Variants in INVS observed in about 807,000 individuals in gnomAD.
INVS encodes inversin, also known as inversion of embryo turning homolog.
A neutral mutation model predicts 108.8 loss-of-function variants in INVS; 86 were observed. The observed-to-expected ratio is 0.79, with a 90% confidence interval of 0.66 to 0.95. The LOEUF is 0.95. Ranked by LOEUF, INVS falls within the 40% of genes least tolerant of loss-of-function variation. The pLI, the probability that INVS is intolerant of heterozygous loss-of-function variation, is 0.00. For missense variants in INVS, 1,169 were observed against 1,297.4 expected, an observed-to-expected ratio of 0.90 and a Z score of 1.52; for synonymous variants, 455 against 473.5, an observed-to-expected ratio of 0.96 and a Z score of 0.51.
chr9:100,147,320 A>G (rs1828650826), intron 3 of INVS, among the ~76,000 whole-genome samples: 1 of 152,234 alleles, frequency 6.6e-6, no homozygotes, highest in Non-Finnish European at 1.5e-5. Flanking sequence ...GAGGGCAAAT[A>G]TGAATTGCTC....
intron 3 of INVS, among the ~76,000 whole-genome samples, chr9:100,137,757 C>T (rs551115411): frequency 3.7e-4 from 56 of 152,126 alleles, no homozygotes; most frequent in African/African-American, 1.3e-3. Context: ...ATCTGAAAAC[C>T]ATATAAATAA....
At chr9:100,283,595 C>T (rs1833342742) in intron 12 of INVS, among the ~76,000 whole-genome samples, 2 of 152,220 alleles carry the variant, frequency 1.3e-5, no homozygotes, top group African/African-American at 4.8e-5. Flanking sequence ...TTCTGAGCCA[C>T]CTCAGACCCA....
intron 3 of INVS, among the ~76,000 whole-genome samples, chr9:100,225,297 C>T (rs1831281286): frequency 6.6e-6 from 1 of 151,898 alleles, no homozygotes; most frequent in African/African-American, 2.4e-5. Context: ...ATCCACCCGC[C>T]TCGGCCTCCC....
chr9:100,173,050 T>G (rs1456675857), intron 3 of INVS, among the ~76,000 whole-genome samples: 3 of 152,150 alleles, frequency 2.0e-5, no homozygotes, highest in Non-Finnish European at 4.4e-5. Context: ...ATGAAGATGA[T>G]TGAGATGGCC....
chr9:100,157,946 C>T (rs1028244220), intron 3 of INVS, among the ~76,000 whole-genome samples: 4 of 152,168 alleles, frequency 2.6e-5, no homozygotes, highest in African/African-American at 9.6e-5. Flanking sequence ...GCAGAAGAAG[C>T]TTACTTGTTC....
At chr9:100,262,525 CT>C (rs1832657454) in intron 10 of INVS, among the ~76,000 whole-genome samples, 1 of 148,992 alleles carries the variant, frequency 6.7e-6, no homozygotes. Context: ...ATTCCCTTAT[CT>C]TTTTTATGCC....
intron 3 of INVS, among the ~76,000 whole-genome samples, chr9:100,222,045 T>C (rs1189349854): frequency 6.6e-6 from 1 of 152,174 alleles, no homozygotes. Flanking sequence ...ATTTATAACA[T>C]TCTAACTATT....
intron 4 of INVS, among the ~76,000 whole-genome samples, chr9:100,227,427 G>A (rs1475911523): frequency 6.6e-6 from 1 of 152,068 alleles, no homozygotes; most frequent in African/African-American, 2.4e-5. Flanking sequence ...ACTCACGAGG[G>A]CTAATATATA....
At position 100,242,945 on chromosome 9, in the gene INVS, G is replaced by A. The variant is rs184756633; in HGVS notation, c.906+266G>A. 3.4e-3 allele frequency among the ~76,000 whole-genome samples: 515 copies of A among 152,084 alleles called. 1 individual carries two copies. The highest frequency in any genetic ancestry group is 0.012 in the African/African-American group (487 of 41,464). ...ACAATCCCTGATCTTATTCAGCTTT[G>A]CCCAGATTTACTTAGACTCATTTGT... On this transcript the variant is annotated intron_variant, in intron 7 of 16. Transcript: ENST00000262457.
At chr9:100,171,458 C>T (rs575000695) in intron 3 of INVS, among the ~76,000 whole-genome samples, 38 of 152,038 alleles carry the variant, frequency 2.5e-4, no homozygotes, top group Admixed American at 5.9e-4. Context: ...ATACATTTTG[C>T]AGAACATATT....
intron 11 of INVS, among the ~76,000 whole-genome samples, chr9:100,267,628 A>G (rs1019865868): frequency 6.6e-6 from 1 of 152,270 alleles, no homozygotes. Flanking sequence ...CTTTCAGTCA[A>G]TAACTATCTG....
rs115556532 is a variant in INVS at position 100,292,909 on chromosome 9, C to G, written c.2652C>G (p.Leu884=). ...AGACTGATCCAGCACCTGGTCCCCT[C>G]TCTGGGCAGAGTGTGAATATTGACC... The part of the protein sequence containing the change: ...SKETDPAPGP[L]SGQSVNIDLL... Residue 884 remains leucine (L), a synonymous_variant, in exon 14 of 17, where the codon CTC becomes CTG. Coordinates refer to ENST00000262457, the MANE Select transcript of INVS (RefSeq NM_014425.5). 6.8e-6 allele frequency: 11 copies of G among 1,613,966 alleles called. No homozygotes were observed. The highest frequency in any genetic ancestry group is 1.7e-5 in the Admixed American group (1 of 60,008).
intron 3 of INVS, among the ~76,000 whole-genome samples, chr9:100,166,358 C>A (rs1020085158): frequency 1.3e-5 from 2 of 151,990 alleles, no homozygotes; most frequent in Non-Finnish European, 1.5e-5. Flanking sequence ...ACAACAACAA[C>A]AAAACAAAAC....
chr9:100,277,259 A>G (rs996557436), intron 12 of INVS, among the ~76,000 whole-genome samples: 1 of 152,238 alleles, frequency 6.6e-6, no homozygotes, highest in African/African-American at 2.4e-5. Context: ...TCAGATTTTT[A>G]AAAAACTGCT....
chr9:100,216,544 A>G (rs1462841362), intron 3 of INVS, among the ~76,000 whole-genome samples: 3 of 152,238 alleles, frequency 2.0e-5, no homozygotes, highest in South Asian at 2.1e-4. Context: ...AATCAGATAC[A>G]TAGAACAGTT....
chr9:100,298,078 C>G, intron 16 of INVS, 68 bp downstream of exon 16: 1 of 1,611,406 alleles, frequency 6.2e-7, no homozygotes, highest in Non-Finnish European at 8.5e-7. Flanking sequence ...TGTTTCATCC[C>G]CAAAGACAGA....
intron 3 of INVS, among the ~76,000 whole-genome samples, chr9:100,194,929 C>T (rs1384860527): frequency 1.3e-5 from 2 of 152,130 alleles, no homozygotes; most frequent in African/African-American, 2.4e-5. Flanking sequence ...AAGTTGCCCA[C>T]TGGGGTAGTG....
At chr9:100,100,943 T>TA (rs1826937420) in intron 1 of INVS, among the ~76,000 whole-genome samples, 1 of 41,614 alleles carries the variant, frequency 2.4e-5, no homozygotes, top group African/African-American at 1.1e-4. Context: ...ATATAATATA[T>TA]ATACATATAT....
At position 100,198,713 on chromosome 9, in the gene INVS, C is replaced by G. The variant is rs139859810; in HGVS notation, c.274-27349C>G. Reference sequence around the variant, plus strand: ...GTTCAAGCAATTCTTCTGCCTCAGCCTCCCGTGTAGCTGGGACTACGGGCA... The same window carrying G: ...GTTCAAGCAATTCTTCTGCCTCAGCGTCCCGTGTAGCTGGGACTACGGGCA... On this transcript the variant is annotated intron_variant, in intron 3 of 16. Transcript: ENST00000262457. Among the ~76,000 whole-genome samples the G allele has an allele frequency of 4.9e-4, 74 of 152,046 alleles. 1 individual carries two copies. In the East Asian group the frequency reaches 9.5e-3, roughly 20 times the overall value.
Sources: allele counts gnomAD v4.1 joint callset (sites outside exome capture counted in the v4.1 genomes callset), GRCh38; gene constraint gnomAD v4.1.1; transcripts MANE v1.5; gene names NCBI Gene and HGNC (gene_info 2026-07-23, HGNC 2026-07-21).